Variants in DPY19L4 observed in about 807,000 individuals in gnomAD.
DPY19L4 encodes probable C-mannosyltransferase DPY19L4.
In DPY19L4, 97 loss-of-function variants were observed where a neutral mutation model predicts 102.8. That is an observed-to-expected ratio of 0.94 (90% CI 0.80 to 1.12). The LOEUF (loss-of-function observed/expected upper bound fraction) is 1.12, where lower values mean the gene tolerates loss of function less well. Ranked by LOEUF, DPY19L4 falls within the 50% of genes most tolerant of loss-of-function variation. DPY19L4 has a pLI of 0.00. For synonymous variants in DPY19L4, 252 were observed against 283.1 expected, an observed-to-expected ratio of 0.89 and a Z score of 1.10; for missense variants, 815 against 850.4, an observed-to-expected ratio of 0.96 and a Z score of 0.52.
intron 1 of DPY19L4, among the ~76,000 whole-genome samples, chr8:94,723,731 T>C (rs974257151): frequency 1.3e-5 from 2 of 152,228 alleles, no homozygotes; most frequent in African/African-American, 4.8e-5. Flanking sequence ...AAAATTGATA[T>C]GTCTTAAAAT....
At chr8:94,723,178 A>G (rs944574779) in intron 1 of DPY19L4, among the ~76,000 whole-genome samples, 11 of 152,222 alleles carry the variant, frequency 7.2e-5, no homozygotes, top group African/African-American at 2.2e-4. Flanking sequence ...AATATCAGAT[A>G]GTGAAAAGGA....
At chr8:94,720,163 G>T (rs1055886709) in intron 1 of DPY19L4, 149 bp downstream of exon 1, 1 of 1,369,202 alleles carries the variant, frequency 7.3e-7, no homozygotes, top group Non-Finnish European at 9.4e-7. Flanking sequence ...CGGCGCCCAG[G>T]AGAGGACTGC....
At chr8:94,779,586 C>G (rs553409388) in intron 14 of DPY19L4, among the ~76,000 whole-genome samples, 13 of 152,224 alleles carry the variant, frequency 8.5e-5, no homozygotes, top group African/African-American at 2.9e-4. Context: ...ACCTTGGCCC[C>G]CAAGTTCTGG....
chr8:94,790,894 T>C lies in DPY19L4; in HGVS notation c.*984T>C, dbSNP rs1813862393. ...TATAAAACACAAGCAATGTTATTTA[T>C]GAAACTGTGATGCAGTCTTCAACAT... On this transcript the variant is annotated 3_prime_UTR_variant, in exon 19 of 19. Coordinates refer to ENST00000414645, the MANE Select transcript of DPY19L4 (RefSeq NM_181787.3). 6.6e-6 allele frequency: 1 copy of C among 152,176 alleles called. No homozygotes were observed. The highest frequency in any genetic ancestry group is 2.1e-4 in the South Asian group (1 of 4,836). 9.4% of individuals were successfully genotyped at this position (152,176 alleles called of 1,614,324 possible). A position where few individuals can be genotyped will look rare whatever the true frequency, so the allele number is the denominator to read the frequency against.
chr8:94,741,425 C>T (rs1294765862), intron 6 of DPY19L4, among the ~76,000 whole-genome samples: 1 of 152,146 alleles, frequency 6.6e-6, no homozygotes, highest in East Asian at 1.9e-4. Flanking sequence ...TAGCTACATT[C>T]TTCATTCTTC....
In DPY19L4 at chr8:94,761,879, A is replaced by G. The variant is rs116561244; in HGVS notation, c.870+45A>G. 1,164 of 1,557,744 alleles carry G rather than the reference A, an allele frequency of 7.5e-4. 10 individuals are homozygous for G. In the African/African-American group the frequency reaches 0.012, roughly 16 times the overall value. On this transcript the variant is annotated intron_variant, in intron 8 of 18. Coordinates refer to ENST00000414645, the MANE Select transcript of DPY19L4 (RefSeq NM_181787.3). ...TGGTGATTTTTAAGAGAATAAATGT[A>G]TTTATAGCATTGTATCTTAAAACCT...
At chr8:94,731,452 T>G (rs1192843353) in intron 2 of DPY19L4, among the ~76,000 whole-genome samples, 1 of 152,218 alleles carries the variant, frequency 6.6e-6, no homozygotes, top group East Asian at 1.9e-4. Flanking sequence ...GTTTCGCTCT[T>G]GTGGCCCAGG....
At position 94,746,672 on chromosome 8, in the gene DPY19L4, A is replaced by C. The variant is rs191788676; in HGVS notation, c.611+6882A>C. 3.6e-3 allele frequency among the ~76,000 whole-genome samples: 556 copies of C among 152,372 alleles called. 1 individual carries two copies. The highest frequency in any genetic ancestry group is 0.012 in the African/African-American group (516 of 41,598). On this transcript the variant is annotated intron_variant, in intron 6 of 18. Transcript: ENST00000414645. Reference sequence around the variant, plus strand: ...ATAATTTGAATTATAATGCTACTTAAATATAAAACATAAAACTAGGTAAAG... The same window carrying C: ...ATAATTTGAATTATAATGCTACTTACATATAAAACATAAAACTAGGTAAAG...
chr8:94,788,865 T>A (rs2130951678), intron 18 of DPY19L4, among the ~76,000 whole-genome samples: 1 of 152,376 alleles, frequency 6.6e-6, no homozygotes, highest in South Asian at 2.1e-4. Context: ...ATCATAGCTC[T>A]TTGTCTTATC....
At chr8:94,757,677 T>A (rs1381737135) in intron 7 of DPY19L4, among the ~76,000 whole-genome samples, 1 of 152,098 alleles carries the variant, frequency 6.6e-6, no homozygotes, top group Non-Finnish European at 1.5e-5. Flanking sequence ...CCCAAAGGGC[T>A]GGGACTACAG....
At position 94,731,055 on chromosome 8, in the gene DPY19L4, C is replaced by CAA. The variant is rs57246749; in HGVS notation, c.128-3556_128-3555dup. Among the ~76,000 whole-genome samples the CAA allele has an allele frequency of 2.2e-4, 23 of 103,254 alleles. 1 individual carries two copies. The highest frequency in any genetic ancestry group is 5.2e-4 in the African/African-American group (15 of 28,862). The allele number at this position is 103,254 out of a possible 152,430, so 67.7% of individuals were successfully genotyped here. ...CCACCACTCCCGGCCAACTCTGTCTCAAAAAAAAAAAAAAAAAAAATTAGT... is the reference window on the plus strand; with the variant it reads ...CCACCACTCCCGGCCAACTCTGTCTCAAAAAAAAAAAAAAAAAAAAAATTAGT... On this transcript the variant is annotated intron_variant, in intron 2 of 18. Transcript: ENST00000414645.
intron 13 of DPY19L4, among the ~76,000 whole-genome samples, chr8:94,773,451 T>C (rs891324338): frequency 7.2e-5 from 11 of 152,128 alleles, no homozygotes; most frequent in Non-Finnish European, 1.6e-4. Flanking sequence ...GTTTTTGTTT[T>C]TTGAAACAGA....
At chr8:94,777,888 C>T in intron 14 of DPY19L4, 102 bp downstream of exon 14, 2 of 1,333,196 alleles carry the variant, frequency 1.5e-6, no homozygotes, top group East Asian at 4.8e-5. Context: ...GAGTAAATTA[C>T]ATGATGACTT....
chr8:94,780,253 G>A (rs1215268269), intron 14 of DPY19L4, 106 bp from the exon 15 acceptor site: 1 of 852,080 alleles, frequency 1.2e-6, no homozygotes. Context: ...TTTGAAATTT[G>A]TATAACTATA....
chr8:94,721,678 C>A, intron 1 of DPY19L4, among the ~76,000 whole-genome samples: 1 of 152,154 alleles, frequency 6.6e-6, no homozygotes, highest in Admixed American at 6.6e-5. Flanking sequence ...ATTAAAAAAT[C>A]AGTACTACAA....
intron 3 of DPY19L4, among the ~76,000 whole-genome samples, chr8:94,738,142 C>A (rs905163180): frequency 6.6e-6 from 1 of 151,266 alleles, no homozygotes. Context: ...CACGGTGAAA[C>A]CCCATCTCTA....
rs762816848 is a variant in DPY19L4 at position 94,766,700 on chromosome 8, ATG to A, written c.1175+17_1175+18del. 1 of 1,600,498 alleles carries A rather than the reference ATG, an allele frequency of 6.2e-7. No individual in the cohort carries two copies. Among genetic ancestry groups the A allele is most frequent in the Non-Finnish European group, 8.5e-7 (1 of 1,169,838 alleles). ...AATATGACCAAGTAAGTTTTAGATT[ATG>A]TAAGTTTACCTAAATCGATACCACT... On this transcript the variant is annotated intron_variant, in intron 11 of 18. Transcript: ENST00000414645.
intron 11 of DPY19L4, among the ~76,000 whole-genome samples, chr8:94,767,357 G>C (rs543770949): frequency 2.0e-5 from 3 of 146,752 alleles, no homozygotes; most frequent in Non-Finnish European, 4.5e-5. Context: ...GCAGTGGCAC[G>C]ATCTCGGCTC....
At chr8:94,721,434 T>C (rs1810457159) in intron 1 of DPY19L4, among the ~76,000 whole-genome samples, 1 of 152,260 alleles carries the variant, frequency 6.6e-6, no homozygotes, top group Admixed American at 6.5e-5. Flanking sequence ...ATTTAAGACA[T>C]TCTAACTAAA....
Sources: allele counts gnomAD v4.1 joint callset (sites outside exome capture counted in the v4.1 genomes callset), GRCh38; gene constraint gnomAD v4.1.1; transcripts MANE v1.5; gene names NCBI Gene and HGNC (gene_info 2026-07-23, HGNC 2026-07-21).